DNAH9: variants seen among roughly 807,000 people sequenced by gnomAD.
DNAH9 encodes the protein DNAH9 variant protein.
Under a neutral mutation model 471.6 loss-of-function variants are expected in DNAH9, and 345 were observed. That is an observed-to-expected ratio of 0.73 (90% CI 0.67 to 0.80). DNAH9 has a LOEUF of 0.80. Among genes scored for constraint, DNAH9 ranks in the 30% least tolerant of loss-of-function variants. DNAH9 has a pLI of 0.00. For synonymous variants in DNAH9, 2,093 were observed against 2,123.6 expected, an observed-to-expected ratio of 0.99 and a Z score of 0.40; for missense variants, 5,407 against 5,609.2, an observed-to-expected ratio of 0.96 and a Z score of 1.15.
intron 53 of DNAH9, among the ~76,000 whole-genome samples, chr17:11,878,861 C>T (rs1972610620): frequency 6.6e-6 from 1 of 152,130 alleles, no homozygotes; most frequent in Non-Finnish European, 1.5e-5. Flanking sequence ...AGCCACCAGG[C>T]CTGGCCCATT....
chr17:11,840,045 C>T (rs1970977895), intron 49 of DNAH9, among the ~76,000 whole-genome samples: 2 of 152,178 alleles, frequency 1.3e-5, no homozygotes, highest in African/African-American at 2.4e-5. Context: ...GCATATGACC[C>T]AGCAATCCCT....
chr17:11,916,702 C>T (rs1973971124), intron 61 of DNAH9, among the ~76,000 whole-genome samples: 1 of 152,320 alleles, frequency 6.6e-6, no homozygotes, highest in South Asian at 2.1e-4. Context: ...GGAATCATTT[C>T]TCCTCTTTGG....
At chr17:11,601,193 T>G (rs1488217714) in intron 1 of DNAH9, among the ~76,000 whole-genome samples, 1 of 152,240 alleles carries the variant, frequency 6.6e-6, no homozygotes, top group African/African-American at 2.4e-5. Context: ...TCTAAAAAAT[T>G]TATCCATCAT....
intron 61 of DNAH9, among the ~76,000 whole-genome samples, chr17:11,908,480 T>C (rs1159074995): frequency 6.6e-6 from 1 of 152,224 alleles, no homozygotes; most frequent in Non-Finnish European, 1.5e-5. Context: ...CTTTTACTGA[T>C]GCTATTCCAA....
chr17:11,605,039 C>T (rs1345430698), intron 1 of DNAH9, among the ~76,000 whole-genome samples: 1 of 152,182 alleles, frequency 6.6e-6, no homozygotes, highest in Non-Finnish European at 1.5e-5. Flanking sequence ...TTACTCTCAC[C>T]TATTCTTTGG....
rs780103726 is a variant in DNAH9 at position 11,680,921 on chromosome 17, G to A, written c.3743+32G>A. ...GCCGAACACTGCTGCCTCTCTTTCT[G>A]TGAACACTGCAGTCTTTGAGTCATG... On this transcript the variant is annotated intron_variant, in intron 19 of 68. Transcript: ENST00000262442. 3.2e-6 allele frequency: 5 copies of A among 1,577,288 alleles called. No individual in the cohort carries two copies. The South Asian group carries it at 5.8e-5, about 18-fold the overall frequency.
Position 11,822,454 on chromosome 17 carries a change from C to G in DNAH9, c.8867C>G (p.Ser2956Cys). The change falls in exon 47 of 69, where the codon TCC (serine) becomes TGC (cysteine). Residue 2956 changes from serine (S) to cysteine (C), a missense_variant. Ser to Cys is a moderately radical substitution (Grantham distance 112, BLOSUM62 -1). Around this residue, in one of 3 missense-constraint regions of DNAH9, gnomAD observed 4,636 missense variants for 4,900.3 expected, o/e 0.95. Coordinates refer to ENST00000262442, the MANE Select transcript of DNAH9 (RefSeq NM_001372.4). ...RRQLKVTLCF[S>C]PVGNKLRVRS... is the part of the protein sequence containing the mutation. ...ACTTCTCAGGTGACTCTCTGTTTCTCCCCTGTGGGAAACAAGCTAAGAGTC... is the reference window on the plus strand; with the variant it reads ...ACTTCTCAGGTGACTCTCTGTTTCTGCCCTGTGGGAAACAAGCTAAGAGTC... 1 of 1,614,196 alleles carries G rather than the reference C, an allele frequency of 6.2e-7. No homozygotes were observed. Among genetic ancestry groups the G allele is most frequent in the Non-Finnish European group, 8.5e-7 (1 of 1,180,032 alleles).
intron 49 of DNAH9, among the ~76,000 whole-genome samples, chr17:11,841,213 A>G (rs1468988732): frequency 6.6e-6 from 1 of 152,136 alleles, no homozygotes. Context: ...ATCAAAGAAA[A>G]TGATCAAGGC....
chr17:11,847,587 G>T (rs77509132), intron 49 of DNAH9, among the ~76,000 whole-genome samples: 2,735 of 152,002 alleles, frequency 0.018, 78 homozygotes, highest in African/African-American at 0.062. Flanking sequence ...TGTCTGTTTT[G>T]GTACCAGTGC....
At chr17:11,834,568 A>G (rs1597713745) in intron 48 of DNAH9, 70 bp from the exon 49 acceptor site, 4 of 1,575,862 alleles carry the variant, frequency 2.5e-6, no homozygotes, top group Non-Finnish European at 3.5e-6. Flanking sequence ...CCAACAGGCC[A>G]GTGACTAGTC....
intron 39 of DNAH9, among the ~76,000 whole-genome samples, chr17:11,782,671 C>T (rs1485859742): frequency 5.3e-5 from 8 of 152,082 alleles, no homozygotes; most frequent in African/African-American, 1.7e-4. Context: ...CCAAGGTGGG[C>T]GAATCACTTG....
chr17:11,795,761 C>T (rs1384342693), intron 42 of DNAH9, among the ~76,000 whole-genome samples: 1 of 152,208 alleles, frequency 6.6e-6, no homozygotes, highest in African/African-American at 2.4e-5. Context: ...AGTAATAACA[C>T]TTGAACTTTC....
In DNAH9 at chr17:11,762,770, G is replaced by GTTTGTTTTTTT. The variant is rs1193246497; in HGVS notation, c.6996-667_6996-666insGTTTTTTTTTT. On this transcript the variant is annotated intron_variant, in intron 35 of 68. Transcript: ENST00000262442. ...CCTCTTTAGGTGCGTTTTTTTTTTTGTTTTTTTTTTTTTTTTTTTTTTTTT... is the reference window on the plus strand; with the variant it reads ...CCTCTTTAGGTGCGTTTTTTTTTTTGTTTGTTTTTTTTTTTTTTTTTTTTTTTTTTTTTTTT... Among the ~76,000 whole-genome samples, 143 of 90,766 alleles carry GTTTGTTTTTTT rather than the reference G, an allele frequency of 1.6e-3. 12 individuals are homozygous for GTTTGTTTTTTT. The highest frequency in any genetic ancestry group is 7.1e-3 in the Middle Eastern group (1 of 140). 59.5% of individuals were successfully genotyped at this position (90,766 alleles called of 152,430 possible).
intron 39 of DNAH9, among the ~76,000 whole-genome samples, 178 bp from the exon 40 acceptor site, chr17:11,783,468 G>A (rs9674923): frequency 6.6e-6 from 1 of 152,032 alleles, no homozygotes; most frequent in African/African-American, 2.4e-5. Flanking sequence ...CCTTAGATAT[G>A]GAGGTACCTT....
In DNAH9 at chr17:11,903,287, G is replaced by A. The variant is rs1057059886; in HGVS notation, c.11600+375G>A. 2.6e-5 allele frequency among the ~76,000 whole-genome samples: 4 copies of A among 151,890 alleles called. No individual in the cohort carries two copies. The East Asian group carries it at 5.8e-4, about 22-fold the overall frequency. Reference sequence around the variant, plus strand: ...CGGGAGGCAGAGGTTGCAGTGACCCGAGATTGCGTCACTACACTCCAGCCT... The same window carrying A: ...CGGGAGGCAGAGGTTGCAGTGACCCAAGATTGCGTCACTACACTCCAGCCT... On this transcript the variant is annotated intron_variant, in intron 60 of 68. Coordinates refer to ENST00000262442, the MANE Select transcript of DNAH9 (RefSeq NM_001372.4).
intron 23 of DNAH9, among the ~76,000 whole-genome samples, chr17:11,700,694 A>G (rs2074576373): frequency 6.6e-6 from 1 of 152,170 alleles, no homozygotes; most frequent in Admixed American, 6.5e-5. Flanking sequence ...CTGGGGTTTC[A>G]TTCACAATAT....
chr17:11,941,694 G>GGATAGATA (rs58634740), intron 66 of DNAH9, among the ~76,000 whole-genome samples: 1,619 of 148,314 alleles, frequency 0.011, 12 homozygotes, highest in African/African-American at 0.018. Flanking sequence ...GTGGATGACC[G>GGATAGATA]GATAGATAGA....
At position 11,747,668 on chromosome 17, in the gene DNAH9, T is replaced by A. The variant is rs1344650433; in HGVS notation, c.6512T>A (p.Met2171Lys). ...LRSLHKTYQI[M>K]KRRPVWTDLN... The stretch of plus-strand genomic sequence containing the variant: ...TCCTTGCACAAGACCTATCAGATCA[T>A]GAAACGGCGCCCCGTCTGGACTGAC... Residue 2171 changes from methionine (M) to lysine (K), a missense_variant, in exon 32 of 69, where the codon ATG becomes AAG. Physicochemically the swap from Met to Lys is moderately conservative, Grantham distance 95. Around this residue, in one of 3 missense-constraint regions of DNAH9, gnomAD observed 4,636 missense variants for 4,900.3 expected, o/e 0.95. Transcript: ENST00000262442. 3.7e-6 allele frequency: 6 copies of A among 1,614,170 alleles called. No individual in the cohort carries two copies. The highest frequency in any genetic ancestry group is 5.1e-6 in the Non-Finnish European group (6 of 1,180,030).
At chr17:11,872,480 TTCGC>T (rs1301163378) in intron 52 of DNAH9, among the ~76,000 whole-genome samples, 1 of 151,808 alleles carries the variant, frequency 6.6e-6, no homozygotes, top group Admixed American at 6.6e-5. Context: ...TCTTGGCACT[TTCGC>T]ATCACTTCTA....
Sources: allele counts gnomAD v4.1 joint callset (sites outside exome capture counted in the v4.1 genomes callset), GRCh38; gene constraint gnomAD v4.1.1; regional missense constraint gnomAD v4.1.1; transcripts MANE v1.5; gene names NCBI Gene and HGNC (gene_info 2026-07-23, HGNC 2026-07-21).